IL6R: variants seen among roughly 807,000 people sequenced by gnomAD.
IL6R encodes interleukin-6 receptor subunit alpha.
In IL6R, 38 loss-of-function variants were observed where a neutral mutation model predicts 48.3. That is an observed-to-expected ratio of 0.79 (90% CI 0.61 to 1.03). The LOEUF is 1.03. Ranked by LOEUF, IL6R falls within the 50% of genes least tolerant of loss-of-function variation. IL6R has a pLI of 0.00. For missense variants in IL6R, 534 were observed against 618.3 expected, an observed-to-expected ratio of 0.86 and a Z score of 1.45; for synonymous variants, 264 against 256.2, an observed-to-expected ratio of 1.03 and a Z score of -0.29.
In IL6R at chr1:154,405,529, G is replaced by GT; in HGVS notation, c.-101_-100insT. 19 of 388,502 alleles carry GT rather than the reference G, an allele frequency of 4.9e-5. No individual in the cohort carries two copies. The highest frequency in any genetic ancestry group is 1.2e-4 in the South Asian group (5 of 40,872). The allele number at this position is 388,502 out of a possible 1,614,324, so 24.1% of individuals were successfully genotyped here. On this transcript the variant is annotated 5_prime_UTR_variant, in exon 1 of 10. Transcript: ENST00000368485. The surrounding 1 kb of genome is among the most constrained non-coding windows in gnomAD (Gnocchi z 5.2). ...CTGCCCCCGGGGCCTGAGCCCGCCT[G>GT]CCCGCCCACCGCCCCGCCCCGCCCC...
intron 6 of IL6R, among the ~76,000 whole-genome samples, 181 bp downstream of exon 6, chr1:154,436,291 A>C (rs1340196690): frequency 6.6e-6 from 1 of 152,150 alleles, no homozygotes; most frequent in African/African-American, 2.4e-5. Flanking sequence ...AGCCTGGCCA[A>C]CATGGTGAAA....
At chr1:154,431,705 A>G (rs1274079177) in intron 3 of IL6R, among the ~76,000 whole-genome samples, 1 of 152,184 alleles carries the variant, frequency 6.6e-6, no homozygotes, top group Non-Finnish European at 1.5e-5. Context: ...GTGTTAGGCT[A>G]CTAGGGCTTT....
chr1:154,415,270 A>T (rs1205767028), intron 1 of IL6R: 2 of 565,820 alleles, frequency 3.5e-6, no homozygotes, highest in Non-Finnish European at 6.3e-6. Flanking sequence ...TAAAAGTTTT[A>T]AAAGTTTAAA....
At chr1:154,424,715 G>T (rs1044550719) in intron 1 of IL6R, among the ~76,000 whole-genome samples, 1 of 152,208 alleles carries the variant, frequency 6.6e-6, no homozygotes, top group Non-Finnish European at 1.5e-5. Context: ...CAAGATGTGG[G>T]CTGGATGTGG....
At position 154,469,330 on chromosome 1, in the gene IL6R, C is replaced by T. The variant is rs1242023205; in HGVS notation, c.*3950C>T. 2 of 152,060 alleles carry T rather than the reference C, an allele frequency of 1.3e-5. No individual in the cohort carries two copies. Among genetic ancestry groups the T allele is most frequent in the Non-Finnish European group, 2.9e-5 (2 of 68,010 alleles). The allele number at this position is 152,060 out of a possible 1,614,324, so 9.4% of individuals were successfully genotyped here. A position where few individuals can be genotyped will look rare whatever the true frequency, so the allele number is the denominator to read the frequency against. Reference sequence around the variant, plus strand: ...TTACCTAATTACCTGAAAGCAAATACCAAAGGCTGATGTCTGTATATGGGG... The same window carrying T: ...TTACCTAATTACCTGAAAGCAAATATCAAAGGCTGATGTCTGTATATGGGG... On this transcript the variant is annotated 3_prime_UTR_variant, in exon 10 of 10. Transcript: ENST00000368485.
At chr1:154,430,711 A>C (rs1161455398) in intron 3 of IL6R, 105 bp downstream of exon 3, 50 of 1,445,980 alleles carry the variant, frequency 3.5e-5, no homozygotes, top group Non-Finnish European at 4.7e-5. Context: ...ATTAGGAATT[A>C]ATTCCTTCAG....
intron 1 of IL6R, among the ~76,000 whole-genome samples, chr1:154,427,624 G>C (rs1689052566): frequency 6.6e-6 from 1 of 152,178 alleles, no homozygotes; most frequent in Non-Finnish European, 1.5e-5. Context: ...AAGTGTGAAG[G>C]GTATCTGTAT....
intron 1 of IL6R, among the ~76,000 whole-genome samples, chr1:154,424,710 T>C (rs947050103): frequency 6.6e-6 from 1 of 152,224 alleles, no homozygotes; most frequent in African/African-American, 2.4e-5. Context: ...GACTTCAAGA[T>C]GTGGGCTGGA....
chr1:154,445,875 C>T (rs994315069), intron 6 of IL6R, among the ~76,000 whole-genome samples: 1 of 152,056 alleles, frequency 6.6e-6, no homozygotes, highest in African/African-American at 2.4e-5. Flanking sequence ...CTGAACTGCA[C>T]GAGCATCCAT....
intron 4 of IL6R, 54 bp downstream of exon 4, chr1:154,434,754 C>G: frequency 6.5e-7 from 1 of 1,529,418 alleles, no homozygotes; most frequent in Non-Finnish European, 9.0e-7. Flanking sequence ...TGATTTAATA[C>G]TCCTTATCGA....
At chr1:154,413,382 C>T (rs1199766851) in intron 1 of IL6R, among the ~76,000 whole-genome samples, 1 of 152,200 alleles carries the variant, frequency 6.6e-6, no homozygotes, top group East Asian at 1.9e-4. Context: ...TTGCATATGC[C>T]TCTTGTTGTG....
chr1:154,453,130 G>A (rs1200308656), intron 8 of IL6R, among the ~76,000 whole-genome samples: 4 of 152,128 alleles, frequency 2.6e-5, no homozygotes, highest in Non-Finnish European at 5.9e-5. Context: ...GCTTGAACCC[G>A]GGAGGCGGAG....
intron 1 of IL6R, among the ~76,000 whole-genome samples, chr1:154,426,654 T>C (rs996299730): frequency 2.0e-5 from 3 of 152,156 alleles, no homozygotes; most frequent in Non-Finnish European, 4.4e-5. Flanking sequence ...AAAGTTAGGT[T>C]GGTGGGCTTT....
intron 3 of IL6R, among the ~76,000 whole-genome samples, chr1:154,434,297 T>G (rs1469196877): frequency 1.3e-5 from 2 of 152,056 alleles, no homozygotes; most frequent in African/African-American, 4.8e-5. Context: ...GGTGACACAG[T>G]GAGACTCTAT....
chr1:154,447,476 T>TATACACACACACACACACAC (rs1424013885), intron 6 of IL6R, among the ~76,000 whole-genome samples: 1 of 68,832 alleles, frequency 1.5e-5, no homozygotes, highest in African/African-American at 5.6e-5. Context: ...TATATATATA[T>TATACACACACACACACACAC]ACACACACAC....
intron 6 of IL6R, among the ~76,000 whole-genome samples, chr1:154,441,595 C>A (rs976610340): frequency 6.6e-6 from 1 of 152,078 alleles, no homozygotes; most frequent in African/African-American, 2.4e-5. Flanking sequence ...AATTGGCGGG[C>A]AGTTCTGAAA....
At chr1:154,451,659 C>T (rs904506024) in intron 8 of IL6R, among the ~76,000 whole-genome samples, 1 of 151,914 alleles carries the variant, frequency 6.6e-6, no homozygotes, top group Non-Finnish European at 1.5e-5. Context: ...GCCTCAGCCT[C>T]CCGAGTAGCT....
In IL6R at chr1:154,465,323, C is replaced by G. The variant is rs1369955192; in HGVS notation, c.1350C>G (p.Ala450=). Reference sequence around the variant, plus strand: ...CCTCGAGCCACAACCGACCAGATGCCAGGGACCCACGGAGCCCTTATGACA... The same window carrying G: ...CCTCGAGCCACAACCGACCAGATGCGAGGGACCCACGGAGCCCTTATGACA... ...DNTSSHNRPD[A]RDPRSPYDIS... is the part of the protein sequence containing the mutation. The change falls in exon 10 of 10, where the codon GCC becomes GCG. Residue 450 remains alanine (A), a synonymous_variant. Transcript: ENST00000368485. 1 of 1,614,190 alleles carries G rather than the reference C, an allele frequency of 6.2e-7. No individual in the cohort carries two copies. The highest frequency in any genetic ancestry group is 1.7e-5 in the Admixed American group (1 of 60,030).
intron 1 of IL6R, among the ~76,000 whole-genome samples, chr1:154,416,208 C>T (rs1688339267): frequency 6.6e-6 from 1 of 152,016 alleles, no homozygotes; most frequent in Non-Finnish European, 1.5e-5. Flanking sequence ...TAGCTCACTG[C>T]AACCTTGAAC....
Sources: gnomAD v4.1 joint callset for allele counts (sites outside exome capture counted in the v4.1 genomes callset) on GRCh38, gnomAD v4.1.1 for gene constraint, Gnocchi (gnomAD v3.1) non-coding constraint, MANE v1.5 for transcripts, NCBI Gene and HGNC (gene_info 2026-07-23, HGNC 2026-07-21) for gene names.